The following CCBE1 variants were observed in gnomAD, a reference collection of about 807,000 sequenced individuals.
CCBE1 encodes the protein collagen and calcium-binding EGF domain-containing protein 1.
In CCBE1, 37 loss-of-function variants were observed where a neutral mutation model predicts 50.0. That is an observed-to-expected ratio of 0.74 (90% CI 0.57 to 0.97). CCBE1 has a LOEUF of 0.97. CCBE1 is among the 50% of genes least tolerant of loss of function. The pLI is 0.00. For missense variants in CCBE1, 538 were observed against 523.8 expected (o/e 1.03, Z -0.26); for synonymous variants, 234 against 203.7 (o/e 1.15, Z -1.27).
Position 59,469,584 on chromosome 18 carries a change from G to C in CCBE1, c.289C>G (p.Pro97Ala), listed in dbSNP as rs1216440169. Residue 97 changes from proline to alanine, a missense_variant, in exon 4 of 11, where the codon CCC becomes GCC. Transcript: ENST00000439986. ...TTGTCCGTGCACTGCTGTTCACAGG[G>C]AGCCTCGGCACAAACGTCGTAATCT... Reference protein sequence around the residue: ...PEDYDVCAEAPCEQQCTDNFG... With the variant: ...PEDYDVCAEAACEQQCTDNFG... 2.0e-5 allele frequency: 32 copies of C among 1,614,028 alleles called. No individual in the cohort carries two copies. Among genetic ancestry groups the C allele is most frequent in the Non-Finnish European group, 2.6e-5 (31 of 1,180,050 alleles).
chr18:59,564,727 G>C (rs7245325), intron 2 of CCBE1, among the ~76,000 whole-genome samples: 19,716 of 152,212 alleles, frequency 0.13, 1,883 homozygotes, highest in African/African-American at 0.27. Flanking sequence ...GAATGAAGAC[G>C]ATGAACACTG....
At chr18:59,518,899 G>T (rs765924696) in intron 2 of CCBE1, among the ~76,000 whole-genome samples, 1 of 152,188 alleles carries the variant, frequency 6.6e-6, no homozygotes, top group Non-Finnish European at 1.5e-5. Context: ...ATGACTGACA[G>T]CTCCCTTGCC....
chr18:59,665,037 G>T (rs549442453), intron 2 of CCBE1, among the ~76,000 whole-genome samples: 2 of 152,190 alleles, frequency 1.3e-5, no homozygotes, highest in East Asian at 3.9e-4. Context: ...ACTTCAAACA[G>T]GACCCTAGTG....
intron 2 of CCBE1, among the ~76,000 whole-genome samples, chr18:59,566,581 G>T (rs955346769): frequency 1.3e-5 from 2 of 152,184 alleles, no homozygotes; most frequent in Admixed American, 1.3e-4. Context: ...AAGTAGGAAA[G>T]AAGTACTCAA....
At chr18:59,638,711 A>C (rs1196525689) in intron 2 of CCBE1, among the ~76,000 whole-genome samples, 1 of 152,188 alleles carries the variant, frequency 6.6e-6, no homozygotes, top group Non-Finnish European at 1.5e-5. Context: ...AGGCTACCAA[A>C]ACACACACAC....
intron 7 of CCBE1, among the ~76,000 whole-genome samples, chr18:59,444,685 A>G (rs1456096686): frequency 6.6e-6 from 1 of 151,670 alleles, no homozygotes; most frequent in African/African-American, 2.4e-5. Context: ...ATTTTCTCTT[A>G]TACAGACAGG....
chr18:59,612,293 T>TA (rs5825349), intron 2 of CCBE1, among the ~76,000 whole-genome samples: 4,194 of 100,782 alleles, frequency 0.042, 176 homozygotes, highest in African/African-American at 0.11. Context: ...TAAAGTATAA[T>TA]AAAAAAAAAA....
intron 2 of CCBE1, among the ~76,000 whole-genome samples, chr18:59,681,159 A>G (rs1176096699): frequency 2.0e-5 from 3 of 152,170 alleles, no homozygotes; most frequent in Non-Finnish European, 4.4e-5. Context: ...AACAGAGCCA[A>G]ATATGGAACC....
At chr18:59,538,930 C>T (rs1229933413) in intron 2 of CCBE1, among the ~76,000 whole-genome samples, 3 of 152,142 alleles carry the variant, frequency 2.0e-5, no homozygotes, top group Non-Finnish European at 1.5e-5. Flanking sequence ...GTAATCCCAG[C>T]ACTTTGGGAG....
chr18:59,483,723 C>A (rs1048390395), intron 2 of CCBE1, among the ~76,000 whole-genome samples: 2 of 152,178 alleles, frequency 1.3e-5, no homozygotes, highest in African/African-American at 2.4e-5. Flanking sequence ...TCATTCCTCT[C>A]CCTGTAACAT....
chr18:59,445,526 T>C (rs1396146523), intron 7 of CCBE1, among the ~76,000 whole-genome samples: 2 of 152,238 alleles, frequency 1.3e-5, no homozygotes, highest in Admixed American at 6.5e-5. Flanking sequence ...GGAATGACAG[T>C]CAGACTCCAG....
intron 7 of CCBE1, among the ~76,000 whole-genome samples, chr18:59,440,447 G>T (rs575871553): frequency 1.3e-5 from 2 of 152,134 alleles, no homozygotes; most frequent in Non-Finnish European, 2.9e-5. Context: ...CCTTATATTT[G>T]CTTTGACTCT....
Position 59,469,559 on chromosome 18 carries a change from T to C in CCBE1, c.314A>G (p.Asn105Ser). ...EAPCEQQCTDNFGRVLCTCYP... is the reference protein window; with the variant it reads ...EAPCEQQCTDSFGRVLCTCYP... Reference sequence around the variant, plus strand: ...ACAAGTACACAGCACTCGGCCAAAGTTGTCCGTGCACTGCTGTTCACAGGG... The same window carrying C: ...ACAAGTACACAGCACTCGGCCAAAGCTGTCCGTGCACTGCTGTTCACAGGG... The change falls in exon 4 of 11, where the codon AAC becomes AGC. Residue 105 changes from asparagine (N) to serine (S), a missense_variant. By Grantham distance (46) the Asn-to-Ser change is conservative. Transcript: ENST00000439986. 6.2e-7 allele frequency: 1 copy of C among 1,614,164 alleles called. No individual in the cohort carries two copies. Among genetic ancestry groups the C allele is most frequent in the South Asian group, 1.1e-5 (1 of 91,078 alleles).
chr18:59,651,435 G>C (rs927100105), intron 2 of CCBE1, among the ~76,000 whole-genome samples: 2 of 152,204 alleles, frequency 1.3e-5, no homozygotes, highest in Admixed American at 6.5e-5. Context: ...CCAAACGCTG[G>C]TTCATCCTCT....
rs1910142474 is a variant in CCBE1 at position 59,436,073 on chromosome 18, C to T, written c.1056G>A (p.Leu352=). ...LADIRNDITE[L]QEKVFGHRTH... ...TCCGGTGCCCGAACACCTTTTCCTG[C>T]AGCTCAGTGATGTCATTGCGGATGT... The change falls in exon 11 of 11, where the codon CTG becomes CTA. Residue 352 remains leucine, a synonymous_variant. Coordinates refer to ENST00000439986, the MANE Select transcript of CCBE1 (RefSeq NM_133459.4). 2 of 1,614,208 alleles carry T rather than the reference C, an allele frequency of 1.2e-6. No homozygotes were observed. Among genetic ancestry groups the T allele is most frequent in the East Asian group, 2.2e-5 (1 of 44,880 alleles).
intron 2 of CCBE1, among the ~76,000 whole-genome samples, chr18:59,501,287 C>T (rs555452501): frequency 2.1e-4 from 32 of 152,328 alleles, no homozygotes; most frequent in Admixed American, 1.8e-3. Flanking sequence ...AGGGACAGCA[C>T]ATCTCCTTTT....
intron 5 of CCBE1, among the ~76,000 whole-genome samples, chr18:59,463,197 C>T (rs961261283): frequency 3.9e-5 from 6 of 152,186 alleles, no homozygotes; most frequent in African/African-American, 1.4e-4. Context: ...TAGCCTGCCC[C>T]CAGCCCTTTC....
intron 2 of CCBE1, among the ~76,000 whole-genome samples, chr18:59,488,459 T>C (rs1048749057): frequency 1.3e-5 from 2 of 152,222 alleles, no homozygotes; most frequent in Non-Finnish European, 2.9e-5. Flanking sequence ...GGGTTTTAAC[T>C]GTTCAAATTA....
In CCBE1 at chr18:59,697,243, T is replaced by C. The variant is rs1018444386; in HGVS notation, c.100A>G (p.Thr34Ala). Residue 34 changes from threonine to alanine, a missense_variant, in exon 1 of 11, where the codon ACC (threonine) becomes GCC (alanine). Physicochemically the swap from Thr to Ala is moderately conservative, Grantham distance 58. Coordinates refer to ENST00000439986, the MANE Select transcript of CCBE1 (RefSeq NM_133459.4). ...LLLLALGHTW[T>A]YREEPEDGDR... is the part of the protein sequence containing the mutation. ...CCGTCCTCCGGCTCCTCTCTGTAGGTCCACGTGTGTCCCAACGCCAGGAGC... is the reference window on the plus strand; with the variant it reads ...CCGTCCTCCGGCTCCTCTCTGTAGGCCCACGTGTGTCCCAACGCCAGGAGC... The C allele has an allele frequency of 4.6e-5, 71 of 1,549,042 alleles. No homozygotes were observed. Among genetic ancestry groups the C allele is most frequent in the Non-Finnish European group, 6.0e-5 (69 of 1,146,706 alleles).
Sources: gnomAD v4.1 joint callset for allele counts (sites outside exome capture counted in the v4.1 genomes callset) on GRCh38, gnomAD v4.1.1 for gene constraint, MANE v1.5 for transcripts, NCBI Gene and HGNC (gene_info 2026-07-23, HGNC 2026-07-21) for gene names.